The following DHRSX variants were observed in gnomAD, a reference collection of about 807,000 sequenced individuals.
DHRSX encodes dehydrogenase/reductase X-linked.
DHRSX carries 31 observed loss-of-function variants against 34.0 expected under a neutral mutation model. The observed-to-expected ratio is 0.91, with a 90% CI of 0.69 to 1.23. DHRSX has a LOEUF of 1.23. DHRSX is among the 50% of genes most tolerant of loss of function. DHRSX has a pLI of 0.00. For missense variants in DHRSX, 414 were observed against 428.1 expected, an observed-to-expected ratio of 0.97 and a Z score of 0.29; for synonymous variants, 201 against 183.8, an observed-to-expected ratio of 1.09 and a Z score of -0.76.
chrX:2,437,690 AGAGAGAGAGTGTGTGTGT>A (rs1269900876), intron 1 of DHRSX, among the ~76,000 whole-genome samples: 89 of 75,298 alleles, frequency 1.2e-3, no homozygotes, highest in African/African-American at 4.5e-3. Context: ...AGAGAGAGAG[AGAGAGAGAGTGTGTGTGT>A]GTGTGTGTGT....
chrX:2,326,060 A>G (rs976396959), intron 3 of DHRSX, among the ~76,000 whole-genome samples: 9 of 152,196 alleles, frequency 5.9e-5, no homozygotes, highest in African/African-American at 2.2e-4. Context: ...TCTGCGATCC[A>G]TCAGAAAATA....
chrX:2,301,075 A>C (rs2042003117), intron 3 of DHRSX, among the ~76,000 whole-genome samples: 1 of 152,220 alleles, frequency 6.6e-6, no homozygotes, highest in Non-Finnish European at 1.5e-5. Context: ...TGCAGCCAAA[A>C]TATTCAGAAG....
intron 1 of DHRSX, among the ~76,000 whole-genome samples, chrX:2,452,941 C>T (rs1162184670): frequency 6.6e-6 from 1 of 152,190 alleles, no homozygotes; most frequent in African/African-American, 2.4e-5. Context: ...CACTGCAGCA[C>T]TACTCAGTTT....
At chrX:2,342,101 C>G (rs1174033166) in intron 3 of DHRSX, among the ~76,000 whole-genome samples, 1 of 152,096 alleles carries the variant, frequency 6.6e-6, no homozygotes, top group Non-Finnish European at 1.5e-5. Flanking sequence ...CCACCTCGCC[C>G]GGCCGATTTA....
At chrX:2,243,788 G>GTTTTTTTTTTTTTT (rs778957532) in intron 5 of DHRSX, among the ~76,000 whole-genome samples, 48 of 25,120 alleles carry the variant, frequency 1.9e-3, no homozygotes, top group South Asian at 5.0e-3. Flanking sequence ...TATGCTCCCT[G>GTTTTTTTTTTTTTT]TTTTTTTTTT....
intron 1 of DHRSX, among the ~76,000 whole-genome samples, chrX:2,480,240 T>C (rs1250904191): frequency 6.6e-6 from 1 of 150,948 alleles, no homozygotes; most frequent in Non-Finnish European, 1.5e-5. Context: ...GAAGATACAA[T>C]GTGAAGTGAA....
intron 3 of DHRSX, among the ~76,000 whole-genome samples, chrX:2,303,895 GGATAAA>G (rs2042053482): frequency 7.4e-6 from 1 of 134,428 alleles, no homozygotes; most frequent in African/African-American, 2.9e-5. Context: ...ATGGATGGAT[GGATAAA>G]TGGATGGATG....
At chrX:2,310,567 AGAGAGAGAGAGG>A (rs2042151546) in intron 3 of DHRSX, among the ~76,000 whole-genome samples, 1 of 143,920 alleles carries the variant, frequency 6.9e-6, no homozygotes, top group Non-Finnish European at 1.5e-5. Flanking sequence ...TGTGTGAGAG[AGAGAGAGAGAGG>A]GAGAGAGAGA....
chrX:2,433,606 C>T (rs1258127503), intron 1 of DHRSX, among the ~76,000 whole-genome samples: 1 of 151,962 alleles, frequency 6.6e-6, no homozygotes, highest in Non-Finnish European at 1.5e-5. Context: ...TCCCTGCGTC[C>T]CTGTGTTCTC....
intron 3 of DHRSX, among the ~76,000 whole-genome samples, chrX:2,338,845 A>T (rs1294637514): frequency 6.6e-6 from 1 of 151,926 alleles, no homozygotes; most frequent in Non-Finnish European, 1.5e-5. Flanking sequence ...ACCGACGAAG[A>T]CACCCCAGCT....
intron 2 of DHRSX, among the ~76,000 whole-genome samples, chrX:2,419,276 G>T (rs1408067237): frequency 6.6e-6 from 1 of 152,158 alleles, no homozygotes. Flanking sequence ...GGACACAGGA[G>T]AAAGTGGCCA....
intron 6 of DHRSX, among the ~76,000 whole-genome samples, chrX:2,224,837 T>C (rs1333924255): frequency 1.3e-5 from 2 of 149,466 alleles, no homozygotes; most frequent in Non-Finnish European, 2.9e-5. Flanking sequence ...TGCTCACATA[T>C]ACTCATTCAC....
intron 3 of DHRSX, among the ~76,000 whole-genome samples, chrX:2,359,754 C>T (rs1311789422): frequency 1.3e-5 from 2 of 152,008 alleles, no homozygotes; most frequent in Non-Finnish European, 2.9e-5. Context: ...TAAATAAGAA[C>T]AAGATCATGT....
At chrX:2,221,533 T>C (rs1186722376) in intron 6 of DHRSX, among the ~76,000 whole-genome samples, 8 of 152,164 alleles carry the variant, frequency 5.3e-5, no homozygotes. Context: ...CACGCACTCT[T>C]TATGGGACCG....
intron 5 of DHRSX, among the ~76,000 whole-genome samples, chrX:2,249,719 T>C (rs1361816931): frequency 6.6e-6 from 1 of 151,428 alleles, no homozygotes; most frequent in Non-Finnish European, 1.5e-5. Flanking sequence ...AGATGGGGTG[T>C]CACTGTGTTG....
intron 1 of DHRSX, among the ~76,000 whole-genome samples, chrX:2,436,399 T>C (rs1318695967): frequency 6.6e-6 from 1 of 151,290 alleles, no homozygotes; most frequent in Non-Finnish European, 1.5e-5. Context: ...GAGTTTTTGT[T>C]GTTTTATCAT....
At chrX:2,442,092 T>G (rs374053165) in intron 1 of DHRSX, among the ~76,000 whole-genome samples, 313 of 152,236 alleles carry the variant, frequency 2.1e-3, no homozygotes, top group African/African-American at 7.3e-3. Flanking sequence ...TCTCAACACA[T>G]GTTTGTATTT....
intron 1 of DHRSX, among the ~76,000 whole-genome samples, chrX:2,451,408 G>T (rs1462515570): frequency 2.0e-5 from 3 of 152,128 alleles, no homozygotes. Context: ...GCCTCTGATA[G>T]GATGGGGGCA....
chrX:2,336,198 C>T (rs1186874034), intron 3 of DHRSX, among the ~76,000 whole-genome samples: 2 of 151,552 alleles, frequency 1.3e-5, no homozygotes, highest in Non-Finnish European at 2.9e-5. Flanking sequence ...TTAGTAGAGA[C>T]GGGGTTTCAC....
Sources: allele counts gnomAD v4.1 joint callset (sites outside exome capture counted in the v4.1 genomes callset), GRCh38; gene constraint gnomAD v4.1.1; transcripts MANE v1.5; gene names NCBI Gene and HGNC (gene_info 2026-07-23, HGNC 2026-07-21).